The following ZSWIM4 variants were observed in gnomAD, a reference collection of about 807,000 sequenced individuals.
ZSWIM4 encodes the protein zinc finger SWIM domain-containing protein 4.
In ZSWIM4, 62 loss-of-function variants were observed where a neutral mutation model predicts 102.5. The ratio of observed to expected loss-of-function variants is 0.60; its 90% confidence interval spans 0.49 to 0.75. The LOEUF is 0.75. Ranked by LOEUF, ZSWIM4 falls within the 30% of genes least tolerant of loss-of-function variation. The pLI is 0.00. For synonymous variants in ZSWIM4, 652 were observed against 674.5 expected, an observed-to-expected ratio of 0.97 and a Z score of 0.52; for missense variants, 1,280 against 1,529.6, an observed-to-expected ratio of 0.84 and a Z score of 2.72.
In ZSWIM4 at chr19:13,814,594, A is replaced by C; in HGVS notation, c.1260A>C (p.Leu420=). ...GCCGCGCCTTGCTGGCTGGAGAGCT[A>C]CACTGGAATGACGCCTACCTGCAGA... ...VFGRALLAGE[L]HWNDAYLQRI... The change falls in exon 7 of 14, where the codon CTA becomes CTC. Residue 420 remains leucine, a synonymous_variant. Transcript: ENST00000590508. The C allele has an allele frequency of 8.2e-7, 1 of 1,221,264 alleles. No individual in the cohort carries two copies. Among genetic ancestry groups the C allele is most frequent in the Non-Finnish European group, 1.1e-6 (1 of 947,058 alleles). 75.7% of individuals were successfully genotyped at this position (1,221,264 alleles called of 1,614,324 possible). A position where few individuals can be genotyped will look rare whatever the true frequency, so the allele number is the denominator to read the frequency against.
intron 1 of ZSWIM4, among the ~76,000 whole-genome samples, chr19:13,797,215 C>T (rs1974635373): frequency 6.6e-6 from 1 of 152,324 alleles, no homozygotes; most frequent in South Asian, 2.1e-4. Context: ...GAAACTGGGG[C>T]ACAGAGAAGT....
rs560928023 is a variant in ZSWIM4 at position 13,805,164 on chromosome 19, G to T, written c.712+16G>T. Reference sequence around the variant, plus strand: ...TTGGTGAATGGTAAGGGCACCCCGGGGGTCCGGTGGGGAGAGGATGCCCAA... The same window carrying T: ...TTGGTGAATGGTAAGGGCACCCCGGTGGTCCGGTGGGGAGAGGATGCCCAA... On this transcript the variant is annotated intron_variant, in intron 3 of 13. Coordinates refer to ENST00000590508, the MANE Select transcript of ZSWIM4 (RefSeq NM_001367834.3). 6.3e-7 allele frequency: 1 copy of T among 1,585,006 alleles called. No individual in the cohort carries two copies. Among genetic ancestry groups the T allele is most frequent in the South Asian group, 1.1e-5 (1 of 90,512 alleles).
In ZSWIM4 at chr19:13,803,132, G is replaced by A. The variant is rs1460674294; in HGVS notation, c.356-1660G>A. Among the ~76,000 whole-genome samples the A allele has an allele frequency of 2.6e-5, 4 of 152,316 alleles. No homozygotes were observed. The East Asian group carries it at 5.8e-4, about 22-fold the overall frequency. On this transcript the variant is annotated intron_variant, in intron 2 of 13. Transcript: ENST00000590508. ...GGCTGGGCTGATATGATGCCCCGTC[G>A]GCTCTATCTGCTTTGGAGCCCCTTT...
rs1256480669 is a variant in ZSWIM4, at chr19:13,814,592, C to T, written c.1258C>T (p.Leu420=). 9 of 1,207,430 alleles carry T rather than the reference C, an allele frequency of 7.5e-6. No homozygotes were observed. The South Asian group carries it at 8.5e-5, about 11-fold the overall frequency. The allele number at this position is 1,207,430 out of a possible 1,614,324, so 74.8% of individuals were successfully genotyped here. A position where few individuals can be genotyped will look rare whatever the true frequency, so the allele number is the denominator to read the frequency against. ...TGGCCGCGCCTTGCTGGCTGGAGAG[C>T]TACACTGGAATGACGCCTACCTGCA... The part of the protein sequence containing the change: ...VFGRALLAGE[L]HWNDAYLQRI... The change falls in exon 7 of 14, where the codon CTA becomes TTA. Residue 420 remains leucine, a synonymous_variant. Coordinates refer to ENST00000590508, the MANE Select transcript of ZSWIM4 (RefSeq NM_001367834.3).
chr19:13,819,499 A>C lies in ZSWIM4; in HGVS notation c.2060+7A>C, dbSNP rs1230559368. The C allele has an allele frequency of 1.9e-6, 3 of 1,565,534 alleles. No homozygotes were observed. The African/African-American group carries it at 4.1e-5, about 21-fold the overall frequency. ...TCGCGCTGCGAGCTATGAGGTGAGG[A>C]TAGGTGGCCAAGGCAGTGGCAGGGG... On this transcript the variant is annotated splice_region_variant and intron_variant, in intron 10 of 13. Coordinates refer to ENST00000590508, the MANE Select transcript of ZSWIM4 (RefSeq NM_001367834.3).
chr19:13,817,482 C>A, intron 8 of ZSWIM4, 129 bp downstream of exon 8: 1 of 1,292,030 alleles, frequency 7.7e-7, no homozygotes, highest in Non-Finnish European at 1.1e-6. Flanking sequence ...CCTTGGCTAC[C>A]TCCTCTGGCC....
rs529532384 is a variant in ZSWIM4, at chr19:13,817,077, A to G, written c.1532-139A>G. On this transcript the variant is annotated intron_variant, in intron 7 of 13. Transcript: ENST00000590508. Reference sequence around the variant, plus strand: ...AGCGAGACCCCACCTCAAAAAAAAAAGTTGAAGGTGACCATTGGGTGAGCA... The same window carrying G: ...AGCGAGACCCCACCTCAAAAAAAAAGGTTGAAGGTGACCATTGGGTGAGCA... 27 of 1,214,254 alleles carry G rather than the reference A, an allele frequency of 2.2e-5. No individual in the cohort carries two copies. In the South Asian group the frequency reaches 4.1e-4, roughly 18 times the overall value. 75.2% of individuals were successfully genotyped at this position (1,214,254 alleles called of 1,614,324 possible). A position where few individuals can be genotyped will look rare whatever the true frequency, so the allele number is the denominator to read the frequency against.
intron 10 of ZSWIM4, among the ~76,000 whole-genome samples, chr19:13,821,520 G>T (rs1389826157): frequency 6.6e-6 from 1 of 152,116 alleles, no homozygotes; most frequent in East Asian, 1.9e-4. Context: ...ACGCCAGCCT[G>T]GGCAACAGAG....
chr19:13,818,626 C>T (rs1294130744), intron 9 of ZSWIM4, among the ~76,000 whole-genome samples: 2 of 152,214 alleles, frequency 1.3e-5, no homozygotes, highest in African/African-American at 4.8e-5. Context: ...TGCAGTGGCG[C>T]GATCTCGGCT....
chr19:13,808,991 T>G lies in ZSWIM4; in HGVS notation c.861+7T>G. 1 of 1,610,878 alleles carries G rather than the reference T, an allele frequency of 6.2e-7. No homozygotes were observed. The highest frequency in any genetic ancestry group is 2.2e-5 in the East Asian group (1 of 44,756). ...GCGCTCCATGTTCAGCAAGGTGCCGTGCGGGCCGGCGGGGCGCGGGGTGCA... is the reference window on the plus strand; with the variant it reads ...GCGCTCCATGTTCAGCAAGGTGCCGGGCGGGCCGGCGGGGCGCGGGGTGCA... On this transcript the variant is annotated splice_region_variant and intron_variant, in intron 4 of 13. Coordinates refer to ENST00000590508, the MANE Select transcript of ZSWIM4 (RefSeq NM_001367834.3).
intron 10 of ZSWIM4, 139 bp from the exon 11 acceptor site, chr19:13,823,207 C>T: frequency 1.3e-6 from 1 of 777,584 alleles, no homozygotes; most frequent in Non-Finnish European, 2.1e-6. Flanking sequence ...ACATCTTGCA[C>T]ACACATCTTC....
intron 5 of ZSWIM4, among the ~76,000 whole-genome samples, 199 bp from the exon 6 acceptor site, chr19:13,812,798 G>A (rs548502049): frequency 1.1e-4 from 16 of 152,080 alleles, no homozygotes; most frequent in African/African-American, 3.1e-4. Context: ...ACTTACCAGC[G>A]GTGTGACCCT....
At chr19:13,808,526 A>G (rs1974978046) in intron 3 of ZSWIM4, among the ~76,000 whole-genome samples, 1 of 151,822 alleles carries the variant, frequency 6.6e-6, no homozygotes. Context: ...ACCTGAGGTC[A>G]GGAGTTTGAG....
rs1975331745 is a variant in ZSWIM4, at chr19:13,817,670, G to C, written c.1670-52G>C. The stretch of plus-strand genomic sequence containing the variant: ...CATGCTTGAGGCCAAGGGCTACAGG[G>C]ACCTTAGGGAAGGGGATCCGTCTCC... On this transcript the variant is annotated intron_variant, in intron 8 of 13. Coordinates refer to ENST00000590508, the MANE Select transcript of ZSWIM4 (RefSeq NM_001367834.3). 4 of 1,592,264 alleles carry C rather than the reference G, an allele frequency of 2.5e-6. No homozygotes were observed. In the African/African-American group the frequency reaches 5.3e-5, roughly 21 times the overall value.
At chr19:13,811,735 A>T (rs1409626101) in intron 5 of ZSWIM4, among the ~76,000 whole-genome samples, 1 of 151,844 alleles carries the variant, frequency 6.6e-6, no homozygotes, top group Non-Finnish European at 1.5e-5. Context: ...TATTATTCCC[A>T]CAAGTTGCAA....
At chr19:13,814,928 G>A in intron 7 of ZSWIM4, 63 bp downstream of exon 7, 1 of 1,045,216 alleles carries the variant, frequency 9.6e-7, no homozygotes, top group Non-Finnish European at 1.2e-6. Context: ...AGTCCGAGGT[G>A]GGAGGATTGC....
intron 2 of ZSWIM4, among the ~76,000 whole-genome samples, chr19:13,800,628 C>T (rs1431729810): frequency 1.3e-5 from 2 of 152,052 alleles, no homozygotes; most frequent in African/African-American, 4.8e-5. Flanking sequence ...GGGATGGTCT[C>T]GATCTCCTGA....
rs747228753 is a variant in ZSWIM4, at chr19:13,805,157, AC to A, written c.712+13del. On this transcript the variant is annotated intron_variant, in intron 3 of 13. Coordinates refer to ENST00000590508, the MANE Select transcript of ZSWIM4 (RefSeq NM_001367834.3). ...GATCAACTTGGTGAATGGTAAGGGC[AC>A]CCCGGGGGTCCGGTGGGGAGAGGAT... is the stretch of plus-strand genomic sequence containing the variant. The A allele has an allele frequency of 4.8e-4, 762 of 1,591,866 alleles. No homozygotes were observed. Among genetic ancestry groups the A allele is most frequent in the Non-Finnish European group, 6.3e-4 (739 of 1,174,528 alleles).
chr19:13,797,938 T>G (rs1360163835), intron 1 of ZSWIM4, among the ~76,000 whole-genome samples: 1 of 152,206 alleles, frequency 6.6e-6, no homozygotes, highest in Admixed American at 6.6e-5. Context: ...ATTACAGGCA[T>G]GAGCCACCGC....
Sources: gnomAD v4.1 joint callset for allele counts (sites outside exome capture counted in the v4.1 genomes callset) on GRCh38, gnomAD v4.1.1 for gene constraint, MANE v1.5 for transcripts, NCBI Gene and HGNC (gene_info 2026-07-23, HGNC 2026-07-21) for gene names.